Variants in STIM1 observed in about 807,000 individuals in gnomAD.
The protein encoded by STIM1 is stromal interaction molecule 1.
In STIM1, 25 loss-of-function variants were observed where a neutral mutation model predicts 74.7. That is an observed-to-expected ratio of 0.33 (90% CI 0.24 to 0.47). The LOEUF (loss-of-function observed/expected upper bound fraction) is 0.47. Ranked by LOEUF, STIM1 falls within the 20% of genes least tolerant of loss-of-function variation. The probability of loss-of-function intolerance (pLI) is 1.00; values close to 1 mark genes in which losing one functional copy is unlikely to be tolerated. For missense variants in STIM1, 728 were observed against 920.8 expected, an observed-to-expected ratio of 0.79 and a Z score of 2.71; for synonymous variants, 328 against 348.8, an observed-to-expected ratio of 0.94 and a Z score of 0.66.
chr11:4,033,251 G>C (rs2094067485), intron 3 of STIM1, among the ~76,000 whole-genome samples: 1 of 152,092 alleles, frequency 6.6e-6, no homozygotes, highest in Non-Finnish European at 1.5e-5. Context: ...TGCTATTTTG[G>C]TTACTGTAGC....
intron 1 of STIM1, among the ~76,000 whole-genome samples, chr11:3,949,792 A>G (rs57463693): frequency 0.063 from 9,620 of 152,232 alleles, 939 homozygotes; most frequent in African/African-American, 0.21. Flanking sequence ...GACAAGCTGT[A>G]GTATATCATG....
At chr11:3,918,859 C>T (rs778224576) in intron 1 of STIM1, among the ~76,000 whole-genome samples, 15 of 152,022 alleles carry the variant, frequency 9.9e-5, no homozygotes, top group Non-Finnish European at 1.5e-4. Context: ...CAACAAAATT[C>T]GTAGATGTTT....
At chr11:4,035,075 C>T (rs558353374) in intron 3 of STIM1, among the ~76,000 whole-genome samples, 2 of 152,086 alleles carry the variant, frequency 1.3e-5, no homozygotes, top group East Asian at 3.9e-4. Flanking sequence ...TCATTGATTT[C>T]CACTTTGATC....
At chr11:4,049,412 C>T (rs2094220474) in intron 3 of STIM1, 1 of 150,980 alleles carries the variant, frequency 6.6e-6, no homozygotes, top group Non-Finnish European at 1.5e-5. Context: ...GCAACCTCGA[C>T]CTCCGAGGCT....
chr11:4,092,795 A>G lies in STIM1; in HGVS notation c.*997A>G, dbSNP rs894715918. 4 of 152,240 alleles carry G rather than the reference A, an allele frequency of 2.6e-5. No homozygotes were observed. Among genetic ancestry groups the G allele is most frequent in the African/African-American group, 7.2e-5 (3 of 41,460 alleles). 9.4% of individuals were successfully genotyped at this position (152,240 alleles called of 1,614,324 possible). On this transcript the variant is annotated 3_prime_UTR_variant, in exon 13 of 13. Transcript: ENST00000526596. ...GAAAAAAAGTAATCTGAATTTCCCA[A>G]GTGCCTACGCTGCATATTCCCCTTG... is the stretch of plus-strand genomic sequence containing the variant.
intron 1 of STIM1, among the ~76,000 whole-genome samples, chr11:3,905,018 T>C (rs1041309170): frequency 6.6e-6 from 1 of 152,078 alleles, no homozygotes; most frequent in African/African-American, 2.4e-5. Context: ...AACTCTGATA[T>C]GTGTGGACAG....
At chr11:3,948,910 A>G (rs561954130) in intron 1 of STIM1, among the ~76,000 whole-genome samples, 1 of 152,226 alleles carries the variant, frequency 6.6e-6, no homozygotes, top group Non-Finnish European at 1.5e-5. Flanking sequence ...CTGCTTAGAT[A>G]TTTCAGTGTA....
intron 2 of STIM1, among the ~76,000 whole-genome samples, chr11:3,971,490 T>C (rs2093394946): frequency 6.6e-6 from 1 of 151,886 alleles, no homozygotes. Context: ...GATCGCAACA[T>C]TGCACTCCAG....
intron 1 of STIM1, among the ~76,000 whole-genome samples, chr11:3,915,648 C>T (rs982139512): frequency 1.3e-5 from 2 of 152,118 alleles, no homozygotes; most frequent in Admixed American, 6.6e-5. Flanking sequence ...CCACATGCCT[C>T]AGCCTCCCAA....
intron 1 of STIM1, among the ~76,000 whole-genome samples, chr11:3,913,259 C>G (rs2092593880): frequency 6.6e-6 from 1 of 151,996 alleles, no homozygotes; most frequent in South Asian, 2.1e-4. Flanking sequence ...GTCATCACCA[C>G]TCACTGCAGC....
chr11:4,024,336 C>G (rs1191178795), intron 3 of STIM1, among the ~76,000 whole-genome samples: 1 of 152,162 alleles, frequency 6.6e-6, no homozygotes, highest in Non-Finnish European at 1.5e-5. Context: ...CCTTTCTTCT[C>G]TAGCTTCCCA....
chr11:3,895,746 TCCTTCCTTC>T (rs2092123569), intron 1 of STIM1, among the ~76,000 whole-genome samples: 2 of 32,072 alleles, frequency 6.2e-5, no homozygotes, highest in Non-Finnish European at 1.1e-4. Context: ...TTTTCTTTCT[TCCTTCCTTC>T]CTTCCTTCCT....
rs563387156 is a variant in STIM1 at position 4,079,872 on chromosome 11, C to T, written c.970-2312C>T. ...CTATTTTAATGCCCAGGCAAACCCC[C>T]CCAGATAAATGAAATCACTGTCTCT... is the stretch of plus-strand genomic sequence containing the variant. On this transcript the variant is annotated intron_variant, in intron 7 of 12. Coordinates refer to ENST00000526596, the MANE Select transcript of STIM1 (RefSeq NM_001382567.1). Among the ~76,000 whole-genome samples the T allele has an allele frequency of 9.9e-5, 15 of 152,226 alleles. No homozygotes were observed. In the South Asian group the frequency reaches 2.7e-3, roughly 27 times the overall value.
rs558188527 is a variant in STIM1 at position 4,005,304 on chromosome 11, T to C, written c.271-18569T>C. Among the ~76,000 whole-genome samples, 188 of 152,262 alleles carry C rather than the reference T, an allele frequency of 1.2e-3. 2 individuals are homozygous for C. The highest frequency in any genetic ancestry group is 0.012 in the South Asian group (57 of 4,826). On this transcript the variant is annotated intron_variant, in intron 2 of 12. Transcript: ENST00000526596. ...CACGCGTATGTTTATTGTGGCAGTA[T>C]TCACAATAGCAAAGACTTGGAACCA...
At chr11:4,022,324 A>T (rs1352319356) in intron 2 of STIM1, among the ~76,000 whole-genome samples, 1 of 135,320 alleles carries the variant, frequency 7.4e-6, no homozygotes, top group Non-Finnish European at 1.6e-5. Flanking sequence ...TGACAGAATA[A>T]GAACCTGTCT....
chr11:4,052,153 A>G (rs559260356), intron 3 of STIM1, among the ~76,000 whole-genome samples: 15 of 152,234 alleles, frequency 9.9e-5, no homozygotes, highest in Non-Finnish European at 2.2e-4. Context: ...GATAGGAAAA[A>G]TCAATATCGT....
chr11:3,873,287 G>T (rs1296266091), intron 1 of STIM1, among the ~76,000 whole-genome samples: 3 of 151,846 alleles, frequency 2.0e-5, no homozygotes, highest in Admixed American at 1.3e-4. Flanking sequence ...GCGTGGTGGC[G>T]CATGTCTGTA....
chr11:3,855,431 G>C (rs2090323083), upstream of STIM1: 1 of 151,224 alleles, frequency 6.6e-6, no homozygotes, highest in East Asian at 2.0e-4. Context: ...GGAAAGGGAA[G>C]CTGGGACTTG....
At chr11:3,914,599 G>A (rs949176020) in intron 1 of STIM1, among the ~76,000 whole-genome samples, 4 of 152,178 alleles carry the variant, frequency 2.6e-5, no homozygotes, top group South Asian at 4.1e-4. Flanking sequence ...GCACCGCCAC[G>A]CCCGGCTGAT....
Sources: allele counts gnomAD v4.1 joint callset (sites outside exome capture counted in the v4.1 genomes callset), GRCh38; gene constraint gnomAD v4.1.1; transcripts MANE v1.5; gene names NCBI Gene and HGNC (gene_info 2026-07-23, HGNC 2026-07-21).